The following LUZP2 variants were observed in gnomAD, a reference collection of about 807,000 sequenced individuals.
LUZP2 encodes the protein leucine zipper protein 2.
Under a neutral mutation model 51.6 loss-of-function variants are expected in LUZP2, and 52 were observed. The observed-to-expected ratio is 1.01, with a 90% CI of 0.81 to 1.27. The LOEUF is 1.27. LUZP2 is among the 50% of genes most tolerant of loss of function. The pLI is 0.00. For missense variants in LUZP2, 436 were observed against 395.4 expected (o/e 1.10, Z -0.87); for synonymous variants, 154 against 137.3 (o/e 1.12, Z -0.85).
chr11:24,573,930 C>A (rs1372083225), intron 1 of LUZP2, among the ~76,000 whole-genome samples: 3 of 151,506 alleles, frequency 2.0e-5, no homozygotes, highest in Non-Finnish European at 4.4e-5. Flanking sequence ...GCACAACATG[C>A]AGGTTTGTTA....
At chr11:25,047,689 C>G (rs1565279281) in intron 9 of LUZP2, among the ~76,000 whole-genome samples, 2 of 152,142 alleles carry the variant, frequency 1.3e-5, no homozygotes, top group Non-Finnish European at 1.5e-5. Flanking sequence ...TATACCTGGT[C>G]ATTTTAATTG....
chr11:24,963,055 C>T lies in LUZP2; in HGVS notation c.523-13536C>T, dbSNP rs1228539059. ...CAGACCCTGTTTGCCTGGGTATCAG[C>T]AGCGGTGTTTGCAGAACAGCGGTTT... On this transcript the variant is annotated intron_variant, in intron 7 of 11. Transcript: ENST00000336930. Among the ~76,000 whole-genome samples, 4 of 152,320 alleles carry T rather than the reference C, an allele frequency of 2.6e-5. No individual in the cohort carries two copies. The East Asian group carries it at 7.8e-4, about 30-fold the overall frequency.
intron 7 of LUZP2, among the ~76,000 whole-genome samples, chr11:24,974,923 A>G (rs1855843612): frequency 6.6e-6 from 1 of 152,056 alleles, no homozygotes; most frequent in Non-Finnish European, 1.5e-5. Flanking sequence ...AAATCAATGA[A>G]TAAATAGGGA....
intron 6 of LUZP2, among the ~76,000 whole-genome samples, chr11:24,911,989 A>G (rs1393941579): frequency 6.6e-6 from 1 of 152,178 alleles, no homozygotes; most frequent in Admixed American, 6.6e-5. Context: ...AAATGAAAAC[A>G]AATCAATTAC....
intron 7 of LUZP2, among the ~76,000 whole-genome samples, chr11:24,959,380 C>T (rs1855322757): frequency 6.6e-6 from 1 of 152,080 alleles, no homozygotes. Flanking sequence ...ATACTTCCTA[C>T]CCATGAGCAT....
chr11:24,538,042 T>A (rs1851236273), intron 1 of LUZP2, among the ~76,000 whole-genome samples: 1 of 151,774 alleles, frequency 6.6e-6, no homozygotes, highest in Admixed American at 6.6e-5. Context: ...CTAGTACATT[T>A]CCTCCATGAG....
chr11:24,683,874 A>G (rs1366843056), intron 1 of LUZP2, among the ~76,000 whole-genome samples: 4 of 152,110 alleles, frequency 2.6e-5, no homozygotes, highest in African/African-American at 9.7e-5. Flanking sequence ...GCAAACACAG[A>G]AAACCAAAAC....
chr11:24,755,701 A>C (rs1034099640), intron 4 of LUZP2, among the ~76,000 whole-genome samples: 1 of 152,124 alleles, frequency 6.6e-6, no homozygotes, highest in African/African-American at 2.4e-5. Context: ...TTTAGACACA[A>C]CTGACTAACA....
chr11:24,801,552 A>G (rs1849698196), intron 5 of LUZP2, among the ~76,000 whole-genome samples: 1 of 151,956 alleles, frequency 6.6e-6, no homozygotes, highest in Non-Finnish European at 1.5e-5. Context: ...ATCCAAGGAA[A>G]CACAGTTAAT....
chr11:24,786,438 CA>C (rs1365154050), intron 5 of LUZP2: 1 of 981,716 alleles, frequency 1.0e-6, no homozygotes, highest in East Asian at 1.1e-4. Flanking sequence ...TTCATGGTAC[CA>C]AAAATTCTGC....
chr11:24,911,462 C>G (rs1853632237), intron 6 of LUZP2, among the ~76,000 whole-genome samples: 2 of 152,134 alleles, frequency 1.3e-5, no homozygotes, highest in South Asian at 4.1e-4. Flanking sequence ...GAGGCAGTTT[C>G]TCCCATGCTG....
chr11:25,010,828 C>T lies in LUZP2; in HGVS notation c.765+27535C>T, dbSNP rs528784959. Reference sequence around the variant, plus strand: ...CACCATTGCACTCCAGCCTGGGTGACAGAGTGAGATACCATCCAAATAATA... The same window carrying T: ...CACCATTGCACTCCAGCCTGGGTGATAGAGTGAGATACCATCCAAATAATA... On this transcript the variant is annotated intron_variant, in intron 9 of 11. Transcript: ENST00000336930. Among the ~76,000 whole-genome samples, 6 of 152,134 alleles carry T rather than the reference C, an allele frequency of 3.9e-5. No individual in the cohort carries two copies. In the East Asian group the frequency reaches 1.2e-3, roughly 29 times the overall value.
At chr11:24,793,941 A>T (rs1424563641) in intron 5 of LUZP2, among the ~76,000 whole-genome samples, 2 of 152,118 alleles carry the variant, frequency 1.3e-5, no homozygotes, top group Non-Finnish European at 2.9e-5. Flanking sequence ...TATTCTGACT[A>T]ACCAATTATT....
intron 1 of LUZP2, among the ~76,000 whole-genome samples, chr11:24,618,029 TC>T (rs1854349540): frequency 6.6e-6 from 1 of 152,028 alleles, no homozygotes; most frequent in Non-Finnish European, 1.5e-5. Flanking sequence ...GGTACCAGTT[TC>T]CCAGCAGACC....
At chr11:24,506,933 TAAGA>T (rs1399567779) in intron 1 of LUZP2, among the ~76,000 whole-genome samples, 8 of 152,020 alleles carry the variant, frequency 5.3e-5, no homozygotes, top group Non-Finnish European at 8.8e-5. Flanking sequence ...GTACTACAAA[TAAGA>T]AAGCAGAAGC....
chr11:24,889,986 G>A (rs1852795378), intron 5 of LUZP2, among the ~76,000 whole-genome samples: 1 of 152,110 alleles, frequency 6.6e-6, no homozygotes, highest in African/African-American at 2.4e-5. Context: ...TAACACCTTA[G>A]AATTGGACAG....
chr11:24,547,203 G>GA (rs3077914), intron 1 of LUZP2, among the ~76,000 whole-genome samples: 37,681 of 99,958 alleles, frequency 0.38, 4,862 homozygotes, highest in Middle Eastern at 0.51. Flanking sequence ...TACAGAATTA[G>GA]AAAAAAAAAA....
In LUZP2 at chr11:25,046,382, T is replaced by G. The variant is rs955760128; in HGVS notation, c.766-3656T>G. ...TTGTAGAGCGGATGCATAATAAATA[T>G]TTGTTTATTCATATTGGGAAATACA... On this transcript the variant is annotated intron_variant, in intron 9 of 11. Transcript: ENST00000336930. 2.6e-5 allele frequency among the ~76,000 whole-genome samples: 4 copies of G among 152,264 alleles called. No homozygotes were observed. In the South Asian group the frequency reaches 8.3e-4, roughly 32 times the overall value.
intron 1 of LUZP2, among the ~76,000 whole-genome samples, chr11:24,665,846 A>G (rs1279907013): frequency 1.3e-5 from 2 of 152,150 alleles, no homozygotes; most frequent in Non-Finnish European, 2.9e-5. Flanking sequence ...AATCTCAGGT[A>G]TTTCTTTATA....
Sources: gnomAD v4.1 joint callset for allele counts (sites outside exome capture counted in the v4.1 genomes callset) on GRCh38, gnomAD v4.1.1 for gene constraint, MANE v1.5 for transcripts, NCBI Gene and HGNC (gene_info 2026-07-23, HGNC 2026-07-21) for gene names.